The following PPM1E variants were observed in gnomAD, a reference collection of about 807,000 sequenced individuals.
The protein encoded by PPM1E is protein phosphatase, Mg2+/Mn2+ dependent 1E, also known as protein phosphatase 1E.
Under a neutral mutation model 65.9 loss-of-function variants are expected in PPM1E, and 20 were observed. The ratio of observed to expected loss-of-function variants is 0.30; its 90% CI spans 0.21 to 0.44. The LOEUF (loss-of-function observed/expected upper bound fraction) is 0.44, where lower values mean the gene tolerates loss of function less well. Ranked by LOEUF, PPM1E falls within the 20% of genes least tolerant of loss-of-function variation. PPM1E has a pLI of 1.00. For missense variants in PPM1E, 713 were observed against 953.1 expected (o/e 0.75, Z 3.32); for synonymous variants, 352 against 374.9 (o/e 0.94, Z 0.70).
chr17:58,761,221 C>G lies in PPM1E; in HGVS notation c.464+4760C>G, dbSNP rs184536445. Among the ~76,000 whole-genome samples the G allele has an allele frequency of 4.8e-3, 724 of 152,266 alleles. 4 individuals are homozygous for G. Among genetic ancestry groups the G allele is most frequent in the Non-Finnish European group, 7.4e-3 (501 of 68,020 alleles). ...TTGAACTCAGTTTCCAGTCTCCCCT[C>G]TCCAGAGGTTAGGCTGATACTATGT... On this transcript the variant is annotated intron_variant, in intron 1 of 6. Transcript: ENST00000308249.
At chr17:58,757,057 A>G (rs892974866) in intron 1 of PPM1E, among the ~76,000 whole-genome samples, 3 of 152,194 alleles carry the variant, frequency 2.0e-5, no homozygotes, top group African/African-American at 7.2e-5. Flanking sequence ...CTCAGTGTTG[A>G]AAGTGAAGGG....
chr17:58,821,189 C>T (rs1038183521), intron 1 of PPM1E, among the ~76,000 whole-genome samples: 24 of 152,120 alleles, frequency 1.6e-4, no homozygotes, highest in African/African-American at 5.8e-4. Context: ...TGGCTCACTG[C>T]AAGCTCTGCC....
At chr17:58,896,078 G>A (rs1490661904) in intron 1 of PPM1E, among the ~76,000 whole-genome samples, 5 of 148,436 alleles carry the variant, frequency 3.4e-5, no homozygotes, top group African/African-American at 1.3e-4. Flanking sequence ...TCACACCACT[G>A]CACTCCAGCC....
chr17:58,833,425 T>TA (rs555609408), intron 1 of PPM1E, among the ~76,000 whole-genome samples: 42 of 151,564 alleles, frequency 2.8e-4, no homozygotes, highest in Non-Finnish European at 5.2e-4. Flanking sequence ...TTGCCGTTTT[T>TA]ATGTCCATGA....
chr17:58,967,836 G>A (rs1324978562), intron 3 of PPM1E, among the ~76,000 whole-genome samples: 3 of 147,136 alleles, frequency 2.0e-5, no homozygotes, highest in East Asian at 4.0e-4. Context: ...AGTCTCGCTC[G>A]CTCTGTCTCC....
chr17:58,865,022 AAAC>A (rs1456427997), intron 1 of PPM1E, among the ~76,000 whole-genome samples: 2 of 152,230 alleles, frequency 1.3e-5, no homozygotes, highest in Non-Finnish European at 2.9e-5. Flanking sequence ...TCTGTAAATC[AAAC>A]AACATCAGTG....
chr17:58,783,819 T>C (rs1032048092), intron 1 of PPM1E, among the ~76,000 whole-genome samples: 2 of 151,538 alleles, frequency 1.3e-5, no homozygotes, highest in Admixed American at 6.6e-5. Context: ...GCGATTCTCT[T>C]GCATCAGCCT....
rs79754762 is a variant in PPM1E at position 58,943,097 on chromosome 17, T to TA, written c.465-12542dup. 8.9e-3 allele frequency among the ~76,000 whole-genome samples: 1,305 copies of TA among 147,082 alleles called. 6 individuals are homozygous for TA. The highest frequency in any genetic ancestry group is 0.014 in the Non-Finnish European group (920 of 66,308). On this transcript the variant is annotated intron_variant, in intron 1 of 6. Transcript: ENST00000308249. ...TGATTGAATAAAATAAAAAGTGAAT[T>TA]AAAAAAAAAAGATAACAAATCTGCA...
chr17:58,906,568 G>A (rs962202749), intron 1 of PPM1E, among the ~76,000 whole-genome samples: 5 of 152,002 alleles, frequency 3.3e-5, no homozygotes. Flanking sequence ...AAACTCCTGG[G>A]CTCAAGTGAT....
At chr17:58,859,009 C>A (rs989849633) in intron 1 of PPM1E, among the ~76,000 whole-genome samples, 1 of 152,178 alleles carries the variant, frequency 6.6e-6, no homozygotes, top group Non-Finnish European at 1.5e-5. Flanking sequence ...TTAAGTATAG[C>A]GTTTATTCAA....
chr17:58,850,182 G>T (rs2050811997), intron 1 of PPM1E, among the ~76,000 whole-genome samples: 1 of 151,958 alleles, frequency 6.6e-6, no homozygotes, highest in African/African-American at 2.4e-5. Flanking sequence ...CTGCATGTGA[G>T]ATGGGTCTCC....
chr17:58,919,114 G>GTAATTT (rs1446505905), intron 1 of PPM1E, among the ~76,000 whole-genome samples: 1 of 152,108 alleles, frequency 6.6e-6, no homozygotes, highest in Non-Finnish European at 1.5e-5. Context: ...CTTTGAAAAG[G>GTAATTT]TAATTTAAAT....
chr17:58,782,526 C>T (rs182695864), intron 1 of PPM1E, among the ~76,000 whole-genome samples: 40 of 151,324 alleles, frequency 2.6e-4, no homozygotes, highest in Admixed American at 1.4e-3. Flanking sequence ...CTCAGCCTCC[C>T]AAGTAGCTGG....
intron 2 of PPM1E, among the ~76,000 whole-genome samples, chr17:58,959,309 CAAAA>C (rs71145509): frequency 1.8e-5 from 1 of 57,092 alleles, no homozygotes; most frequent in Non-Finnish European, 3.2e-5. Flanking sequence ...GACTCCGTCT[CAAAA>C]AAAAAAAAAA....
chr17:58,790,356 C>A (rs531549626), intron 1 of PPM1E, among the ~76,000 whole-genome samples: 4 of 151,998 alleles, frequency 2.6e-5, no homozygotes, highest in Admixed American at 1.3e-4. Context: ...GTGCCCAGCG[C>A]GGCTCTTGTC....
intron 1 of PPM1E, among the ~76,000 whole-genome samples, chr17:58,906,636 C>T (rs1203338567): frequency 6.6e-6 from 1 of 152,118 alleles, no homozygotes; most frequent in Non-Finnish European, 1.5e-5. Flanking sequence ...CTGTGCCCAA[C>T]CCATTTCCCT....
chr17:58,760,870 A>G (rs1221710837), intron 1 of PPM1E, among the ~76,000 whole-genome samples: 5 of 152,248 alleles, frequency 3.3e-5, no homozygotes, highest in Non-Finnish European at 5.9e-5. Context: ...GATACAGTTC[A>G]TTACAAAGAC....
chr17:58,818,650 C>A (rs757695225), intron 1 of PPM1E, among the ~76,000 whole-genome samples: 9 of 152,132 alleles, frequency 5.9e-5, no homozygotes, highest in Non-Finnish European at 1.3e-4. Flanking sequence ...CATATATGAG[C>A]CAATGATAAT....
chr17:58,899,912 A>G (rs2051477588), intron 1 of PPM1E, among the ~76,000 whole-genome samples: 1 of 151,958 alleles, frequency 6.6e-6, no homozygotes, highest in African/African-American at 2.4e-5. Flanking sequence ...GTTCTACCCT[A>G]AACAGAATGC....
Sources: gnomAD v4.1 joint callset for allele counts (sites outside exome capture counted in the v4.1 genomes callset) on GRCh38, gnomAD v4.1.1 for gene constraint, MANE v1.5 for transcripts, NCBI Gene and HGNC (gene_info 2026-07-23, HGNC 2026-07-21) for gene names.